Variants in SIRT1 observed in about 807,000 individuals in gnomAD.
SIRT1 encodes the protein sirtuin 1.
Under a neutral mutation model 67.9 loss-of-function variants are expected in SIRT1, and 24 were observed. That is an observed-to-expected ratio of 0.35 (90% CI 0.26 to 0.50). The LOEUF (loss-of-function observed/expected upper bound fraction) is 0.50. Ranked by LOEUF, SIRT1 falls within the 20% of genes least tolerant of loss-of-function variation. SIRT1 has a pLI of 0.98. For missense variants in SIRT1, 873 were observed against 937.2 expected (o/e 0.93, Z 0.89); for synonymous variants, 378 against 350.7 (o/e 1.08, Z -0.87).
Position 67,915,656 on chromosome 10 carries a change from ATATTT to A in SIRT1, c.1916-606_1916-602del, listed in dbSNP as rs532451038. Among the ~76,000 whole-genome samples the A allele has an allele frequency of 1.2e-4, 19 of 152,320 alleles. 1 individual carries two copies. In the South Asian group the frequency reaches 3.5e-3, roughly 28 times the overall value. On this transcript the variant is annotated intron_variant, in intron 8 of 8. Coordinates refer to ENST00000212015, the MANE Select transcript of SIRT1 (RefSeq NM_012238.5). ...TTGTGGTGACTACATTATTGACAAAATATTTTAGGTTTATAATCAGAAAAAAGTTA... is the reference window on the plus strand; with the variant it reads ...TTGTGGTGACTACATTATTGACAAAATAGGTTTATAATCAGAAAAAAGTTA...
chr10:67,891,296 TA>T, intron 3 of SIRT1, 105 bp from the exon 4 acceptor site: 1 of 960,726 alleles, frequency 1.0e-6, no homozygotes, highest in Non-Finnish European at 1.6e-6. Context: ...AGTTTCAGAC[TA>T]AAATTTTCTT....
Position 67,916,615 on chromosome 10 carries a change from G to A in SIRT1, c.*22G>A. The A allele has an allele frequency of 6.3e-7, 1 of 1,576,358 alleles. No individual in the cohort carries two copies. Among genetic ancestry groups the A allele is most frequent in the Non-Finnish European group, 8.7e-7 (1 of 1,155,548 alleles). On this transcript the variant is annotated 3_prime_UTR_variant, in exon 9 of 9. Coordinates refer to ENST00000212015, the MANE Select transcript of SIRT1 (RefSeq NM_012238.5). ...ATAGTGTAATAATTGTGCAGGTACA[G>A]GAATTGTTCCACCAGCATTAGGAAC...
intron 2 of SIRT1, among the ~76,000 whole-genome samples, chr10:67,888,601 T>C (rs1323072851): frequency 1.3e-5 from 2 of 152,228 alleles, no homozygotes; most frequent in Non-Finnish European, 2.9e-5. Context: ...TGTGTGTTTC[T>C]AGATATTAAC....
At chr10:67,907,505 A>G (rs910377732) in intron 5 of SIRT1, among the ~76,000 whole-genome samples, 5 of 148,338 alleles carry the variant, frequency 3.4e-5, no homozygotes, top group South Asian at 2.2e-4. Flanking sequence ...AAAAAAAAAA[A>G]AAAGAAAAAG....
At chr10:67,910,555 T>G (rs1398547061) in intron 7 of SIRT1, among the ~76,000 whole-genome samples, 1 of 152,232 alleles carries the variant, frequency 6.6e-6, no homozygotes, top group Non-Finnish European at 1.5e-5. Context: ...GATTACAGTT[T>G]TGATCTTTCA....
chr10:67,906,194 A>G (rs1842817889), intron 4 of SIRT1: 11 of 1,440,446 alleles, frequency 7.6e-6, no homozygotes, highest in East Asian at 5.3e-5. Flanking sequence ...ATTTGGGGGG[A>G]AAAACACACA....
In SIRT1 at chr10:67,912,671, A is replaced by G. The variant is rs1397000657; in HGVS notation, c.1555A>G (p.Lys519Glu). 8.7e-6 allele frequency: 14 copies of G among 1,614,170 alleles called. No homozygotes were observed. Among genetic ancestry groups the G allele is most frequent in the Non-Finnish European group, 1.2e-5 (14 of 1,180,032 alleles). ...TACTGAAAAACCTCCACGAACACAA[A>G]AAGAATTGGCTTATTTGTCAGAGTT... ...EITEKPPRTQ[K>E]ELAYLSELPP... Residue 519 changes from lysine to glutamate, a missense_variant, in exon 8 of 9, where the codon AAA (lysine) becomes GAA (glutamate). Physicochemically the swap from Lys to Glu is moderately conservative, Grantham distance 56. Coordinates refer to ENST00000212015, the MANE Select transcript of SIRT1 (RefSeq NM_012238.5).
At chr10:67,906,387 T>G (rs1842821058) in intron 4 of SIRT1, 1 of 1,209,204 alleles carries the variant, frequency 8.3e-7, no homozygotes, top group African/African-American at 1.6e-5. Flanking sequence ...TGACAGTGCT[T>G]TTTTTTTTAA....
intron 4 of SIRT1, among the ~76,000 whole-genome samples, chr10:67,896,761 CAAAAAAA>C (rs35899726): frequency 3.0e-4 from 17 of 56,740 alleles, no homozygotes; most frequent in African/African-American, 8.7e-4. Flanking sequence ...GAATCTGTCT[CAAAAAAA>C]AAAAAAAAAA....
At chr10:67,901,249 T>C (rs539192812) in intron 4 of SIRT1, among the ~76,000 whole-genome samples, 1 of 152,086 alleles carries the variant, frequency 6.6e-6, no homozygotes, top group African/African-American at 2.4e-5. Context: ...CCTCCCACCT[T>C]AGCCTCCTGA....
At chr10:67,902,322 C>T (rs554867969) in intron 4 of SIRT1, among the ~76,000 whole-genome samples, 2 of 152,284 alleles carry the variant, frequency 1.3e-5, no homozygotes, top group South Asian at 2.1e-4. Context: ...AGCAATAGAT[C>T]TCCTGAACTT....
intron 3 of SIRT1, among the ~76,000 whole-genome samples, chr10:67,891,182 A>G (rs564307754): frequency 1.2e-4 from 18 of 152,258 alleles, no homozygotes; most frequent in African/African-American, 4.3e-4. Flanking sequence ...AAAATTCCTT[A>G]TCTGTGTTAA....
intron 4 of SIRT1, among the ~76,000 whole-genome samples, chr10:67,901,069 A>G (rs1842737626): frequency 6.6e-6 from 1 of 152,216 alleles, no homozygotes; most frequent in Non-Finnish European, 1.5e-5. Context: ...AATGGTGCTT[A>G]TCCTAAAAGA....
Position 67,912,691 on chromosome 10 carries a change from A to G in SIRT1, c.1575A>G (p.Ser525=), listed in dbSNP as rs777690041. The stretch of plus-strand genomic sequence containing the variant: ...CACAAAAAGAATTGGCTTATTTGTC[A>G]GAGTTGCCACCCACACCTCTTCATG... ...PRTQKELAYL[S]ELPPTPLHVS... Residue 525 remains serine (S), a synonymous_variant, in exon 8 of 9, where the codon TCA becomes TCG. Coordinates refer to ENST00000212015, the MANE Select transcript of SIRT1 (RefSeq NM_012238.5). 7 of 1,614,076 alleles carry G rather than the reference A, an allele frequency of 4.3e-6. No individual in the cohort carries two copies. Among genetic ancestry groups the G allele is most frequent in the Non-Finnish European group, 5.9e-6 (7 of 1,180,036 alleles).
intron 6 of SIRT1, 89 bp downstream of exon 6, chr10:67,908,214 A>G (rs1180873290): frequency 7.6e-6 from 8 of 1,055,308 alleles, no homozygotes; most frequent in East Asian, 2.4e-5. Context: ...CCTTTAAAGT[A>G]TATATGGTAC....
rs535080353 is a variant in SIRT1 at position 67,885,209 on chromosome 10, C to G, written c.430+58C>G. Reference sequence around the variant, plus strand: ...TCTCCTCCTCCCTCTCCCCGGGCTCCTACTGGCCTGAGGTTGAGGGCGGCT... The same window carrying G: ...TCTCCTCCTCCCTCTCCCCGGGCTCGTACTGGCCTGAGGTTGAGGGCGGCT... On this transcript the variant is annotated intron_variant, in intron 1 of 8. Transcript: ENST00000212015. 3.2e-3 allele frequency: 4,127 copies of G among 1,285,108 alleles called. 4 individuals are homozygous for G. Among genetic ancestry groups the G allele is most frequent in the Non-Finnish European group, 3.5e-3 (3,491 of 1,008,262 alleles). 79.6% of individuals were successfully genotyped at this position (1,285,108 alleles called of 1,614,324 possible).
chr10:67,911,760 C>T (rs575674463), intron 7 of SIRT1, among the ~76,000 whole-genome samples: 2 of 147,644 alleles, frequency 1.4e-5, no homozygotes, highest in Non-Finnish European at 3.0e-5. Flanking sequence ...TTCATCTGTC[C>T]GTCCTTCCTT....
chr10:67,894,247 A>G (rs1196746746), intron 4 of SIRT1, among the ~76,000 whole-genome samples: 1 of 152,170 alleles, frequency 6.6e-6, no homozygotes, highest in Non-Finnish European at 1.5e-5. Context: ...CAGGCTATCA[A>G]GAGAATTTTT....
chr10:67,893,162 A>G (rs539214210), intron 4 of SIRT1, among the ~76,000 whole-genome samples: 4 of 152,162 alleles, frequency 2.6e-5, no homozygotes, highest in Non-Finnish European at 5.9e-5. Context: ...AAGTGCCGGG[A>G]TACATGTGCA....
Sources: allele counts gnomAD v4.1 joint callset (sites outside exome capture counted in the v4.1 genomes callset), GRCh38; gene constraint gnomAD v4.1.1; transcripts MANE v1.5; gene names NCBI Gene and HGNC (gene_info 2026-07-23, HGNC 2026-07-21).